The following ZDHHC17 variants were observed in gnomAD, a reference collection of about 807,000 sequenced individuals.
The protein encoded by ZDHHC17 is palmitoyltransferase ZDHHC17.
Under a neutral mutation model 90.3 loss-of-function variants are expected in ZDHHC17, and 40 were observed. The observed-to-expected ratio is 0.44, with a 90% CI of 0.34 to 0.58. ZDHHC17 has a LOEUF of 0.58. Among genes scored for constraint, ZDHHC17 ranks in the 20% least tolerant of loss-of-function variants. The pLI is 0.01. For synonymous variants in ZDHHC17, 235 were observed against 252.4 expected (o/e 0.93, Z 0.65); for missense variants, 614 against 780.8 (o/e 0.79, Z 2.55).
At chr12:76,829,918 C>A (rs966173413) in intron 10 of ZDHHC17, among the ~76,000 whole-genome samples, 1 of 152,104 alleles carries the variant, frequency 6.6e-6, no homozygotes, top group African/African-American at 2.4e-5. Context: ...AGCTTGAACT[C>A]CTGGGCTCCA....
At chr12:76,798,056 T>C (rs1316406798) in intron 2 of ZDHHC17, among the ~76,000 whole-genome samples, 5 of 152,148 alleles carry the variant, frequency 3.3e-5, no homozygotes, top group Non-Finnish European at 7.4e-5. Context: ...TCCAGAAGTA[T>C]ACTATTAGGC....
In ZDHHC17 at chr12:76,848,299, C is replaced by T. The variant is rs1425701121; in HGVS notation, c.1574C>T (p.Ala525Val). 6.2e-7 allele frequency: 1 copy of T among 1,613,762 alleles called. No homozygotes were observed. Among genetic ancestry groups the T allele is most frequent in the Non-Finnish European group, 8.5e-7 (1 of 1,179,862 alleles). ...TTTTGGACATACATTACTCAGATTGCCACGTGTTCACCTTGGATGTTTTGG... is the reference window on the plus strand; with the variant it reads ...TTTTGGACATACATTACTCAGATTGTCACGTGTTCACCTTGGATGTTTTGG... The part of the protein sequence containing the change: ...DGFWTYITQI[A>V]TCSPWMFWMF... The change falls in exon 15 of 17, where the codon GCC (alanine) becomes GTC (valine). Residue 525 changes from alanine (A) to valine (V), a missense_variant. Ala to Val is a moderately conservative substitution (Grantham distance 64). Around this residue, in one of 5 missense-constraint regions of ZDHHC17, gnomAD observed 111 missense variants for 179.8 expected, o/e 0.62. Transcript: ENST00000426126.
chr12:76,801,253 T>G (rs1422940029), intron 2 of ZDHHC17, among the ~76,000 whole-genome samples: 16 of 151,932 alleles, frequency 1.1e-4, no homozygotes, highest in Non-Finnish European at 1.5e-4. Context: ...GTTTTTTTTT[T>G]GTGTGTTTAG....
chr12:76,793,017 A>G (rs1444149019), intron 1 of ZDHHC17, among the ~76,000 whole-genome samples: 1 of 152,210 alleles, frequency 6.6e-6, no homozygotes, highest in Non-Finnish European at 1.5e-5. Context: ...CTAGCTAGCT[A>G]TGGCTGATCA....
Position 76,828,425 on chromosome 12 carries a change from C to T in ZDHHC17, c.1076C>T (p.Pro359Leu), listed in dbSNP as rs764548064. Residue 359 changes from proline to leucine, a missense_variant, in exon 10 of 17, where the codon CCC becomes CTC. Physicochemically the swap from Pro to Leu is moderately conservative, Grantham distance 98. Coordinates refer to ENST00000426126, the MANE Select transcript of ZDHHC17 (RefSeq NM_015336.4). ...FFDHSMHSAL[P>L]LGIYLATKFW... is the part of the protein sequence containing the mutation. ...GATCATTCAATGCATAGTGCATTGC[C>T]CCTTGGGATATATTTGGCAACCAAA... 2 of 1,612,600 alleles carry T rather than the reference C, an allele frequency of 1.2e-6. No individual in the cohort carries two copies.
chr12:76,849,295 G>C (rs551814267), intron 15 of ZDHHC17, 81 bp from the exon 16 acceptor site: 1 of 720,672 alleles, frequency 1.4e-6, no homozygotes, highest in African/African-American at 2.0e-5. Flanking sequence ...TTGCATTTTA[G>C]CCTGGGTGAC....
chr12:76,842,032 C>T lies in ZDHHC17; in HGVS notation c.1192C>T (p.Leu398Phe). The T allele has an allele frequency of 6.2e-7, 1 of 1,601,654 alleles. No homozygotes were observed. The highest frequency in any genetic ancestry group is 8.5e-7 in the Non-Finnish European group (1 of 1,174,288). ...HLPFLANSVA[L>F]FYNFGKSWKS... ...TCCATTCCTTGCCAATAGTGTTGCA[C>T]TTTTCTACAATTTTGGAAAATCTTG... Residue 398 changes from leucine to phenylalanine, a missense_variant, in exon 11 of 17, where the codon CTT (leucine) becomes TTT (phenylalanine). By Grantham distance (22) the Leu-to-Phe change is conservative. Coordinates refer to ENST00000426126, the MANE Select transcript of ZDHHC17 (RefSeq NM_015336.4).
At chr12:76,842,245 A>AT (rs1565806962) in intron 11 of ZDHHC17, 139 bp downstream of exon 11, 1 of 933,166 alleles carries the variant, frequency 1.1e-6, no homozygotes, top group Non-Finnish European at 1.5e-6. Context: ...TGTATCTTTT[A>AT]TTTGGTGCTC....
At chr12:76,767,356 A>T (rs1339495164) in intron 1 of ZDHHC17, among the ~76,000 whole-genome samples, 1 of 152,260 alleles carries the variant, frequency 6.6e-6, no homozygotes, top group Non-Finnish European at 1.5e-5. Context: ...ATTTGTGGGT[A>T]AAGAAATGAG....
chr12:76,768,770 T>C (rs973877751), intron 1 of ZDHHC17, among the ~76,000 whole-genome samples: 3 of 152,172 alleles, frequency 2.0e-5, no homozygotes, highest in African/African-American at 7.2e-5. Context: ...AATATCCCCT[T>C]CTGCCACAGT....
At chr12:76,779,175 T>C (rs1952596455) in intron 1 of ZDHHC17, among the ~76,000 whole-genome samples, 1 of 152,242 alleles carries the variant, frequency 6.6e-6, no homozygotes. Context: ...TTATTTATTT[T>C]ACTGTCAAGT....
chr12:76,780,108 C>CA (rs1198795152), intron 1 of ZDHHC17, among the ~76,000 whole-genome samples: 5 of 152,200 alleles, frequency 3.3e-5, no homozygotes, highest in African/African-American at 9.6e-5. Flanking sequence ...TCATCTCTTT[C>CA]AAAATTGTTT....
At chr12:76,786,509 G>A (rs1452126856) in intron 1 of ZDHHC17, among the ~76,000 whole-genome samples, 1 of 152,066 alleles carries the variant, frequency 6.6e-6, no homozygotes, top group Non-Finnish European at 1.5e-5. Context: ...ACCCGCCTCG[G>A]CCTCCCAAAG....
chr12:76,782,202 T>C (rs1952634942), intron 1 of ZDHHC17, among the ~76,000 whole-genome samples: 1 of 152,210 alleles, frequency 6.6e-6, no homozygotes, highest in African/African-American at 2.4e-5. Flanking sequence ...GAAAAACAAT[T>C]TCTCTGAGAG....
At chr12:76,794,842 CAGAA>C (rs1275044490) in intron 1 of ZDHHC17, among the ~76,000 whole-genome samples, 1 of 152,046 alleles carries the variant, frequency 6.6e-6, no homozygotes, top group Non-Finnish European at 1.5e-5. Context: ...TAGTAATCCT[CAGAA>C]AGAGACTTAT....
intron 4 of ZDHHC17, among the ~76,000 whole-genome samples, chr12:76,809,466 A>G (rs551020982): frequency 3.9e-5 from 6 of 152,220 alleles, no homozygotes; most frequent in Middle Eastern, 3.4e-3. Context: ...ATAATAGAAT[A>G]TAGTAATTAT....
intron 1 of ZDHHC17, among the ~76,000 whole-genome samples, chr12:76,794,127 C>T (rs868730286): frequency 3.9e-5 from 6 of 152,086 alleles, no homozygotes; most frequent in South Asian, 2.1e-4. Flanking sequence ...CCTTGTGATC[C>T]ACCTGCCTCT....
At chr12:76,807,388 G>T (rs1332965333) in intron 3 of ZDHHC17, among the ~76,000 whole-genome samples, 1 of 152,056 alleles carries the variant, frequency 6.6e-6, no homozygotes, top group Non-Finnish European at 1.5e-5. Flanking sequence ...ATATTTGTTG[G>T]TATCAGTTGT....
At chr12:76,836,863 T>G (rs1953370360) in intron 10 of ZDHHC17, among the ~76,000 whole-genome samples, 1 of 152,220 alleles carries the variant, frequency 6.6e-6, no homozygotes, top group South Asian at 2.1e-4. Flanking sequence ...AGTTTAGAAT[T>G]CTTTCTAATG....
Sources: allele counts gnomAD v4.1 joint callset (sites outside exome capture counted in the v4.1 genomes callset), GRCh38; gene constraint gnomAD v4.1.1; regional missense constraint gnomAD v4.1.1; transcripts MANE v1.5; gene names NCBI Gene and HGNC (gene_info 2026-07-23, HGNC 2026-07-21).